EPYC: variants seen among roughly 807,000 people sequenced by gnomAD.
EPYC encodes epiphycan, also known as dermatan sulfate proteoglycan 3.
Under a neutral mutation model 30.1 loss-of-function variants are expected in EPYC, and 28 were observed. The observed-to-expected ratio is 0.93, with a 90% CI of 0.69 to 1.28. EPYC has a LOEUF of 1.28. Among genes scored for constraint, EPYC ranks in the 50% most tolerant of loss-of-function variants. EPYC has a pLI of 0.00. For missense variants in EPYC, 382 were observed against 383.5 expected (o/e 1.00, Z 0.03); for synonymous variants, 144 against 141.4 (o/e 1.02, Z -0.13).
chr12:90,964,042 C>G lies in EPYC; in HGVS notation c.*114G>C. The G allele has an allele frequency of 2.6e-6, 2 of 755,950 alleles. No homozygotes were observed. Among genetic ancestry groups the G allele is most frequent in the Non-Finnish European group, 4.2e-6 (2 of 479,236 alleles). The allele number at this position is 755,950 out of a possible 1,614,324, so 46.8% of individuals were successfully genotyped here. A position where few individuals can be genotyped will look rare whatever the true frequency, so the allele number is the denominator to read the frequency against. On this transcript the variant is annotated 3_prime_UTR_variant, in exon 7 of 7. Coordinates refer to ENST00000261172, the MANE Select transcript of EPYC (RefSeq NM_004950.5). ...CATTTTTAATTGTATTTTATGTAGT[C>G]ATATCATCTCTCAGAACACAATCTC...
chr12:90,964,812 G>C (rs1381145447), intron 6 of EPYC, among the ~76,000 whole-genome samples: 1 of 152,112 alleles, frequency 6.6e-6, no homozygotes, highest in Non-Finnish European at 1.5e-5. Context: ...GCTGAAGTGA[G>C]GGGAAGGAAG....
intron 2 of EPYC, among the ~76,000 whole-genome samples, chr12:91,000,732 G>A (rs999483445): frequency 1.3e-5 from 2 of 151,954 alleles, no homozygotes; most frequent in Non-Finnish European, 2.9e-5. Flanking sequence ...GGGGGGAAAT[G>A]ACAAATAAGT....
At chr12:90,978,789 T>C (rs1877257120) in intron 2 of EPYC, among the ~76,000 whole-genome samples, 2 of 152,290 alleles carry the variant, frequency 1.3e-5, no homozygotes, top group African/African-American at 4.8e-5. Context: ...CAATGACTTA[T>C]ACTGTCTCTA....
At chr12:90,996,538 G>A (rs1877696826) in intron 2 of EPYC, among the ~76,000 whole-genome samples, 1 of 151,830 alleles carries the variant, frequency 6.6e-6, no homozygotes, top group Non-Finnish European at 1.5e-5. Context: ...TGATACAACT[G>A]CCCTTATTGA....
chr12:90,974,955 T>C (rs1476243442), intron 3 of EPYC, among the ~76,000 whole-genome samples: 1 of 152,096 alleles, frequency 6.6e-6, no homozygotes, highest in Non-Finnish European at 1.5e-5. Flanking sequence ...ACTTTCATGT[T>C]TATAACATTG....
At chr12:90,969,519 T>C (rs1185719571) in intron 6 of EPYC, among the ~76,000 whole-genome samples, 1 of 69,652 alleles carries the variant, frequency 1.4e-5, no homozygotes, top group East Asian at 3.3e-4. Flanking sequence ...TCAAATATGG[T>C]GTTTAAAAAA....
rs527672742 is a variant in EPYC at position 90,968,033 on chromosome 12, G to A, written c.798+2011C>T. 2.2e-3 allele frequency among the ~76,000 whole-genome samples: 336 copies of A among 152,066 alleles called. 1 individual carries two copies. The highest frequency in any genetic ancestry group is 3.7e-3 in the Non-Finnish European group (249 of 67,958). ...TGGAATACTTCATTACTATTGAACTGCCTATTTCTCCTTTCATTTCTGATA... is the reference window on the plus strand; with the variant it reads ...TGGAATACTTCATTACTATTGAACTACCTATTTCTCCTTTCATTTCTGATA... On this transcript the variant is annotated intron_variant, in intron 6 of 6. Coordinates refer to ENST00000261172, the MANE Select transcript of EPYC (RefSeq NM_004950.5).
chr12:90,979,651 T>A (rs1400212137), intron 2 of EPYC, among the ~76,000 whole-genome samples: 1 of 152,148 alleles, frequency 6.6e-6, no homozygotes, highest in Admixed American at 6.6e-5. Flanking sequence ...TTCCATAGAG[T>A]CTCTCTATTT....
In EPYC at chr12:90,970,116, C is replaced by A. The variant is rs1384210186; in HGVS notation, c.726G>T (p.Leu242=). The stretch of plus-strand genomic sequence containing the variant: ...GGTCCAAGTTGTTATCAGTGAGGTA[C>A]AGATGATGGAGATCATACATGTCCT... ...AFKDMYDLHH[L]YLTDNNLDHI... is the part of the protein sequence containing the mutation. The change falls in exon 6 of 7, where the codon CTG becomes CTT. Residue 242 remains leucine, a synonymous_variant. Coordinates refer to ENST00000261172, the MANE Select transcript of EPYC (RefSeq NM_004950.5). 1.2e-6 allele frequency: 2 copies of A among 1,613,614 alleles called. No individual in the cohort carries two copies. Among genetic ancestry groups the A allele is most frequent in the Non-Finnish European group, 1.7e-6 (2 of 1,179,606 alleles).
chr12:90,965,478 T>C (rs1439175068), intron 6 of EPYC, among the ~76,000 whole-genome samples: 3 of 152,128 alleles, frequency 2.0e-5, no homozygotes, highest in Non-Finnish European at 4.4e-5. Context: ...CTACCAACAA[T>C]GTATGAGGGT....
At chr12:91,000,455 C>G (rs1373879332) in intron 2 of EPYC, among the ~76,000 whole-genome samples, 2 of 151,956 alleles carry the variant, frequency 1.3e-5, no homozygotes, top group Non-Finnish European at 2.9e-5. Flanking sequence ...GAAAAATGTC[C>G]GAACCTCATG....
intron 1 of EPYC, among the ~76,000 whole-genome samples, chr12:91,004,674 C>G (rs1478892958): frequency 6.6e-6 from 1 of 151,974 alleles, no homozygotes; most frequent in Non-Finnish European, 1.5e-5. Flanking sequence ...GGAAACTTTA[C>G]TTAAGGCATA....
At chr12:90,989,419 A>T (rs1167674314) in intron 2 of EPYC, among the ~76,000 whole-genome samples, 1 of 152,122 alleles carries the variant, frequency 6.6e-6, no homozygotes, top group Non-Finnish European at 1.5e-5. Flanking sequence ...CAAGTCAAAT[A>T]TCAAAATAGT....
intron 2 of EPYC, among the ~76,000 whole-genome samples, chr12:90,996,847 C>T (rs917352824): frequency 6.6e-6 from 1 of 151,936 alleles, no homozygotes; most frequent in African/African-American, 2.4e-5. Context: ...AATGCATATA[C>T]CATATCATTC....
chr12:90,978,176 C>T lies in EPYC; in HGVS notation c.252G>A (p.Glu84=). 1.2e-6 allele frequency: 2 copies of T among 1,607,184 alleles called. No individual in the cohort carries two copies. Among genetic ancestry groups the T allele is most frequent in the Non-Finnish European group, 1.7e-6 (2 of 1,176,900 alleles). Residue 84 remains glutamate (E), a synonymous_variant, in exon 3 of 7, where the codon GAG becomes GAA. Coordinates refer to ENST00000261172, the MANE Select transcript of EPYC (RefSeq NM_004950.5). ...PQPEKAQEEE[E]EEESTPRLID... ...TCAGCCTGGGAGTAGATTCCTCCTC[C>T]TCTTCCTCTTCCTGGGCCTTCTCAG...
At chr12:90,973,209 C>G (rs1877097903) in intron 3 of EPYC, among the ~76,000 whole-genome samples, 1 of 31,448 alleles carries the variant, frequency 3.2e-5, no homozygotes, top group African/African-American at 9.3e-5. Flanking sequence ...AAAATTAGTA[C>G]TTTTCTATTA....
chr12:90,964,420 C>A (rs951031000), intron 6 of EPYC, 94 bp from the exon 7 acceptor site: 30 of 880,546 alleles, frequency 3.4e-5, no homozygotes, highest in Non-Finnish European at 3.8e-5. Context: ...TGTTTTTATT[C>A]TTTTGTTATT....
Position 90,976,477 on chromosome 12 carries a change from T to C in EPYC, c.340+1611A>G, listed in dbSNP as rs1420243170. On this transcript the variant is annotated intron_variant, in intron 3 of 6. Coordinates refer to ENST00000261172, the MANE Select transcript of EPYC (RefSeq NM_004950.5). ...AAAACTAAGGCACAGTAATATTGAA[T>C]GCCTTACTCAAGACTATAAAAACCC... is the stretch of plus-strand genomic sequence containing the variant. Among the ~76,000 whole-genome samples, 3 of 152,102 alleles carry C rather than the reference T, an allele frequency of 2.0e-5. No individual in the cohort carries two copies. The East Asian group carries it at 5.8e-4, about 29-fold the overall frequency.
At chr12:90,978,457 T>A (rs1877247352) in intron 2 of EPYC, among the ~76,000 whole-genome samples, 195 bp from the exon 3 acceptor site, 2 of 151,996 alleles carry the variant, frequency 1.3e-5, no homozygotes, top group African/African-American at 4.8e-5. Flanking sequence ...ATTAGTTTTG[T>A]TTCTCAAATC....
Sources: gnomAD v4.1 joint callset for allele counts (sites outside exome capture counted in the v4.1 genomes callset) on GRCh38, gnomAD v4.1.1 for gene constraint, MANE v1.5 for transcripts, NCBI Gene and HGNC (gene_info 2026-07-23, HGNC 2026-07-21) for gene names.